The following ERGIC3 variants were observed in gnomAD, a reference collection of about 807,000 sequenced individuals.
ERGIC3 encodes the protein ERGIC and golgi 3, also known as endoplasmic reticulum-Golgi intermediate compartment protein 3.
ERGIC3 carries 33 observed loss-of-function variants against 54.7 expected under a neutral mutation model. The observed-to-expected ratio is 0.60, with a 90% CI of 0.46 to 0.81. ERGIC3 has a LOEUF of 0.81. Among genes scored for constraint, ERGIC3 ranks in the 30% least tolerant of loss-of-function variants. The pLI is 0.00. For synonymous variants in ERGIC3, 186 were observed against 189.8 expected, an observed-to-expected ratio of 0.98 and a Z score of 0.16; for missense variants, 399 against 488.4, an observed-to-expected ratio of 0.82 and a Z score of 1.73.
intron 7 of ERGIC3, chr20:35,554,409 AG>A (rs2064700115): frequency 6.2e-7 from 1 of 1,613,846 alleles, no homozygotes; most frequent in African/African-American, 1.3e-5. Flanking sequence ...GCCCCCATGG[AG>A]GCCAAACCCC....
At chr20:35,554,339 T>G in intron 7 of ERGIC3, 2 of 1,614,166 alleles carry the variant, frequency 1.2e-6, no homozygotes, top group Non-Finnish European at 1.7e-6. Context: ...GCTCTGAATC[T>G]TTCTTCTCTC....
intron 8 of ERGIC3, 137 bp from the exon 9 acceptor site, chr20:35,555,896 G>A: frequency 2.7e-6 from 2 of 731,694 alleles, no homozygotes; most frequent in Non-Finnish European, 4.6e-6. Context: ...GGGAATGGGG[G>A]ATTCTTATCT....
chr20:35,555,716 G>T (rs758665014), intron 8 of ERGIC3, among the ~76,000 whole-genome samples: 31 of 151,830 alleles, frequency 2.0e-4, no homozygotes, highest in Non-Finnish European at 4.0e-4. Flanking sequence ...TACTCAGGAG[G>T]CTGAGGCAAG....
chr20:35,550,550 A>G (rs2064676123), intron 7 of ERGIC3, among the ~76,000 whole-genome samples: 1 of 152,114 alleles, frequency 6.6e-6, no homozygotes, highest in Admixed American at 6.5e-5. Context: ...TGGGAGGTGG[A>G]GGTTGCAGTG....
chr20:35,547,619 C>A, intron 5 of ERGIC3, 114 bp downstream of exon 5: 2 of 876,182 alleles, frequency 2.3e-6, no homozygotes, highest in Non-Finnish European at 1.8e-6. Context: ...CTAGAGTGGG[C>A]GGGGTATGTG....
chr20:35,548,479 A>C, intron 5 of ERGIC3, 30 bp from the exon 6 acceptor site: 1 of 1,609,838 alleles, frequency 6.2e-7, no homozygotes. Flanking sequence ...TGCCTCTTTA[A>C]CACTCTCACC....
chr20:35,556,711 A>AC, intron 10 of ERGIC3: 1 of 560,610 alleles, frequency 1.8e-6, no homozygotes. Context: ...CTCAGCCTGG[A>AC]CCCCCGTGAG....
chr20:35,542,950 G>C lies in ERGIC3; in HGVS notation c.367+9G>C. 6.2e-7 allele frequency: 1 copy of C among 1,613,694 alleles called. No individual in the cohort carries two copies. Among genetic ancestry groups the C allele is most frequent in the Non-Finnish European group, 8.5e-7 (1 of 1,179,874 alleles). On this transcript the variant is annotated intron_variant, in intron 4 of 12. Coordinates refer to ENST00000348547, the MANE Select transcript of ERGIC3 (RefSeq NM_015966.3). Reference sequence around the variant, plus strand: ...AGAGGCTGAGCGGCATGGTAACCAGGGGAGGGGGCCGGGTCTCAGATCCCA... The same window carrying C: ...AGAGGCTGAGCGGCATGGTAACCAGCGGAGGGGGCCGGGTCTCAGATCCCA...
In ERGIC3 at chr20:35,555,732, C is replaced by T. The variant is rs150765309; in HGVS notation, c.718-301C>T. Among the ~76,000 whole-genome samples the T allele has an allele frequency of 3.5e-3, 533 of 151,120 alleles. 4 individuals are homozygous for T. The highest frequency in any genetic ancestry group is 2.4e-3 in the Non-Finnish European group (160 of 67,832). On this transcript the variant is annotated intron_variant, in intron 8 of 12. Coordinates refer to ENST00000348547, the MANE Select transcript of ERGIC3 (RefSeq NM_015966.3). Reference sequence around the variant, plus strand: ...ACTCAGGAGGCTGAGGCAAGAGAATCGCTTGAATAAGGCGAGGCTGCAGTG... The same window carrying T: ...ACTCAGGAGGCTGAGGCAAGAGAATTGCTTGAATAAGGCGAGGCTGCAGTG...
Position 35,542,082 on chromosome 20 carries a change from T to C in ERGIC3, c.-16T>C. On this transcript the variant is annotated 5_prime_UTR_variant, in exon 1 of 13. Transcript: ENST00000348547. ...TAGGGGCGGGCCGGCTGGCGTCCCC[T>C]TTCCGGCCGGTCCCCATGGAGGCGC... 2.0e-6 allele frequency: 3 copies of C among 1,513,872 alleles called. No individual in the cohort carries two copies. The highest frequency in any genetic ancestry group is 2.6e-6 in the Non-Finnish European group (3 of 1,134,944). The allele number at this position is 1,513,872 out of a possible 1,614,324, so 93.8% of individuals were successfully genotyped here.
chr20:35,557,610 A>C lies in ERGIC3; in HGVS notation c.*106A>C. The C allele has an allele frequency of 2.2e-6, 2 of 924,288 alleles. No individual in the cohort carries two copies. Among genetic ancestry groups the C allele is most frequent in the East Asian group, 4.9e-5 (2 of 40,554 alleles). 57.3% of individuals were successfully genotyped at this position (924,288 alleles called of 1,614,324 possible). A position where few individuals can be genotyped will look rare whatever the true frequency, so the allele number is the denominator to read the frequency against. Reference sequence around the variant, plus strand: ...GGTCAGCCCCAGCCCCAGGTTGATAAATCTATTGATTGATTGTGATAGTAC... The same window carrying C: ...GGTCAGCCCCAGCCCCAGGTTGATACATCTATTGATTGATTGTGATAGTAC... On this transcript the variant is annotated 3_prime_UTR_variant, in exon 13 of 13. Coordinates refer to ENST00000348547, the MANE Select transcript of ERGIC3 (RefSeq NM_015966.3).
chr20:35,554,971 G>A, intron 7 of ERGIC3, 73 bp from the exon 8 acceptor site: 1 of 1,563,018 alleles, frequency 6.4e-7, no homozygotes, highest in Non-Finnish European at 8.8e-7. Context: ...TGCAGTCCAG[G>A]GGGAGGAAGG....
chr20:35,547,250 A>G (rs745660138), intron 4 of ERGIC3, 162 bp from the exon 5 acceptor site: 111 of 594,366 alleles, frequency 1.9e-4, no homozygotes, highest in Non-Finnish European at 2.5e-4. Flanking sequence ...AAGAATTGAT[A>G]TGTGTGTAGA....
At chr20:35,553,171 A>ATT (rs61579080) in intron 7 of ERGIC3, among the ~76,000 whole-genome samples, 1,500 of 127,352 alleles carry the variant, frequency 0.012, 95 homozygotes, top group African/African-American at 0.04. Context: ...TGCCTGGCTA[A>ATT]TTTTTTTTTT....
intron 8 of ERGIC3, among the ~76,000 whole-genome samples, chr20:35,555,827 A>AAAAG (rs2064708250): frequency 6.6e-6 from 1 of 151,722 alleles, no homozygotes; most frequent in African/African-American, 2.4e-5. Flanking sequence ...AAAAAAAAAA[A>AAAAG]AAAGAAAAAT....
chr20:35,554,829 C>G (rs2147310245), intron 7 of ERGIC3: 1 of 633,974 alleles, frequency 1.6e-6, no homozygotes, highest in East Asian at 2.7e-5. Context: ...GAACCAGGGT[C>G]TGTTCTAAAG....
chr20:35,548,947 C>T, intron 7 of ERGIC3, 82 bp downstream of exon 7: 3 of 1,530,352 alleles, frequency 2.0e-6, no homozygotes, highest in Non-Finnish European at 2.7e-6. Context: ...CTGCCTGCTG[C>T]TCATTTGTCT....
At position 35,547,279 on chromosome 20, in the gene ERGIC3, C is replaced by T. The variant is rs528772096; in HGVS notation, c.368-133C>T. 28 of 659,794 alleles carry T rather than the reference C, an allele frequency of 4.2e-5. No individual in the cohort carries two copies. In the African/African-American group the frequency reaches 4.7e-4, roughly 11 times the overall value. The allele number at this position is 659,794 out of a possible 1,614,324, so 40.9% of individuals were successfully genotyped here. On this transcript the variant is annotated intron_variant, in intron 4 of 12. Coordinates refer to ENST00000348547, the MANE Select transcript of ERGIC3 (RefSeq NM_015966.3). Reference sequence around the variant, plus strand: ...GTGTAGAAGTGCTTAATGCCTGACCCGTAGCATGTACTATATGAATATTAG... The same window carrying T: ...GTGTAGAAGTGCTTAATGCCTGACCTGTAGCATGTACTATATGAATATTAG...
intron 4 of ERGIC3, 101 bp downstream of exon 4, chr20:35,543,042 A>T: frequency 1.3e-6 from 2 of 1,562,778 alleles, no homozygotes; most frequent in Non-Finnish European, 1.7e-6. Context: ...TACATTAAAC[A>T]ACTAAGAGCT....
Sources: gnomAD v4.1 joint callset for allele counts (sites outside exome capture counted in the v4.1 genomes callset) on GRCh38, gnomAD v4.1.1 for gene constraint, MANE v1.5 for transcripts, NCBI Gene and HGNC (gene_info 2026-07-23, HGNC 2026-07-21) for gene names.